Variants in CACNB2 observed in about 807,000 individuals in gnomAD.
CACNB2 encodes voltage-dependent L-type calcium channel subunit beta-2.
Under a neutral mutation model 73.3 loss-of-function variants are expected in CACNB2, and 42 were observed. The ratio of observed to expected loss-of-function variants is 0.57; its 90% confidence interval spans 0.45 to 0.74. The LOEUF (loss-of-function observed/expected upper bound fraction) is 0.74, where lower values mean the gene tolerates loss of function less well. Among genes scored for constraint, CACNB2 ranks in the 30% least tolerant of loss-of-function variants. The pLI, the probability that CACNB2 is intolerant of heterozygous loss-of-function variation, is 0.00. For synonymous variants in CACNB2, 348 were observed against 310.3 expected (o/e 1.12, Z -1.28); for missense variants, 940 against 853.0 (o/e 1.10, Z -1.27).
intron 3 of CACNB2, among the ~76,000 whole-genome samples, chr10:18,424,547 CG>C (rs994878173): frequency 2.0e-5 from 3 of 152,080 alleles, no homozygotes; most frequent in African/African-American, 7.2e-5. Context: ...TCAGTCTGGT[CG>C]GGTGTCCGAG....
At chr10:18,455,779 TAAG>T (rs1055621293) in intron 3 of CACNB2, among the ~76,000 whole-genome samples, 10 of 152,210 alleles carry the variant, frequency 6.6e-5, no homozygotes, top group African/African-American at 2.4e-4. Flanking sequence ...AGTATGATAA[TAAG>T]AAGGTCATAA....
At chr10:18,324,724 C>T (rs1315496820) in intron 2 of CACNB2, among the ~76,000 whole-genome samples, 1 of 152,134 alleles carries the variant, frequency 6.6e-6, no homozygotes, top group Non-Finnish European at 1.5e-5. Flanking sequence ...GGTGTGGTGG[C>T]ATGCGTCTGT....
intron 9 of CACNB2, among the ~76,000 whole-genome samples, chr10:18,526,427 A>G (rs533193642): frequency 4.7e-4 from 71 of 152,314 alleles, no homozygotes; most frequent in African/African-American, 1.7e-3. Context: ...ACCACACAGG[A>G]AAAGAACTGT....
chr10:18,519,898 T>C (rs533049775), intron 9 of CACNB2: 41 of 363,724 alleles, frequency 1.1e-4, no homozygotes, highest in African/African-American at 5.8e-4. Flanking sequence ...TGAGCAGTAG[T>C]TGACATGGTG....
chr10:18,301,738 T>G (rs1402678378), intron 2 of CACNB2, among the ~76,000 whole-genome samples: 1 of 151,842 alleles, frequency 6.6e-6, no homozygotes, highest in Non-Finnish European at 1.5e-5. Context: ...AACCTCCGCC[T>G]TCTGGGTTCC....
intron 2 of CACNB2, among the ~76,000 whole-genome samples, chr10:18,301,883 G>T (rs1456684996): frequency 6.6e-6 from 1 of 151,828 alleles, no homozygotes; most frequent in Non-Finnish European, 1.5e-5. Flanking sequence ...TCCTGACCTC[G>T]TGATCCTCCC....
intron 2 of CACNB2, among the ~76,000 whole-genome samples, chr10:18,239,003 G>A (rs1409352563): frequency 6.6e-6 from 1 of 152,096 alleles, no homozygotes; most frequent in African/African-American, 2.4e-5. Context: ...GATGGCAGCT[G>A]GAACCCAAAT....
At chr10:18,357,566 C>T (rs2041973084) in intron 2 of CACNB2, among the ~76,000 whole-genome samples, 1 of 152,176 alleles carries the variant, frequency 6.6e-6, no homozygotes, top group Admixed American at 6.5e-5. Context: ...AAACAAAGTA[C>T]AATCTTTCAT....
intron 2 of CACNB2, among the ~76,000 whole-genome samples, chr10:18,192,012 G>A (rs764808560): frequency 2.0e-5 from 3 of 151,500 alleles, no homozygotes; most frequent in African/African-American, 7.3e-5. Context: ...GGACTAAAGT[G>A]TGCCCTCATA....
intron 2 of CACNB2, among the ~76,000 whole-genome samples, chr10:18,158,363 C>G (rs757544194): frequency 6.6e-6 from 1 of 152,052 alleles, no homozygotes; most frequent in Non-Finnish European, 1.5e-5. Flanking sequence ...AACCTCTAGG[C>G]ACTGTTATTA....
At chr10:18,395,594 GGAGTT>G (rs1394308215) in intron 2 of CACNB2, among the ~76,000 whole-genome samples, 1 of 152,058 alleles carries the variant, frequency 6.6e-6, no homozygotes, top group Non-Finnish European at 1.5e-5. Flanking sequence ...TGTAGTTTGG[GGAGTT>G]GTTAAATAAA....
Position 18,220,220 on chromosome 10 carries a change from TATATATATATATAG to T in CACNB2, c.213+69247_213+69260del, listed in dbSNP as rs1259407613. ...GTGTGTGTATATATATATATATATA[TATATATATATATAG>T]AGAGAGAGAGAGAGAGAGAGAGAGA... On this transcript the variant is annotated intron_variant, in intron 2 of 13. Transcript: ENST00000324631. Among the ~76,000 whole-genome samples the T allele has an allele frequency of 2.6e-4, 12 of 46,662 alleles. 1 individual carries two copies. Among genetic ancestry groups the T allele is most frequent in the African/African-American group, 2.3e-3 (12 of 5,258 alleles). The allele number at this position is 46,662 out of a possible 152,430, so 30.6% of individuals were successfully genotyped here.
intron 2 of CACNB2, among the ~76,000 whole-genome samples, chr10:18,218,889 C>T (rs1308366507): frequency 6.6e-6 from 1 of 152,118 alleles, no homozygotes; most frequent in Admixed American, 6.6e-5. Context: ...TCTGGCCAAG[C>T]ACAGTGGCTC....
chr10:18,321,668 T>C (rs1422411335), intron 2 of CACNB2, among the ~76,000 whole-genome samples: 3 of 152,196 alleles, frequency 2.0e-5, no homozygotes, highest in Non-Finnish European at 4.4e-5. Flanking sequence ...ACACATACTG[T>C]GTACTCACAA....
chr10:18,450,622 T>C (rs956905841), intron 3 of CACNB2, among the ~76,000 whole-genome samples: 4 of 148,504 alleles, frequency 2.7e-5, no homozygotes, highest in African/African-American at 7.6e-5. Context: ...AGCTGCTTTT[T>C]TTTCTTTTTT....
chr10:18,291,134 A>T (rs1161171409), intron 2 of CACNB2, among the ~76,000 whole-genome samples: 1 of 152,222 alleles, frequency 6.6e-6, no homozygotes, highest in Non-Finnish European at 1.5e-5. Context: ...CGCAGAAGGT[A>T]CTTACAGGTA....
intron 3 of CACNB2, among the ~76,000 whole-genome samples, chr10:18,431,921 T>C (rs2045908893): frequency 6.6e-6 from 1 of 152,148 alleles, no homozygotes; most frequent in African/African-American, 2.4e-5. Context: ...TGTGCCGCTA[T>C]ACCCAGATAA....
intron 2 of CACNB2, among the ~76,000 whole-genome samples, chr10:18,246,772 TTTTG>T (rs1023098720): frequency 3.6e-4 from 55 of 152,092 alleles, no homozygotes; most frequent in Middle Eastern, 3.4e-3. Flanking sequence ...TAGTTTTGTT[TTTTG>T]TTTGTTTGTT....
chr10:18,161,178 G>T (rs1051499093), intron 2 of CACNB2, among the ~76,000 whole-genome samples: 2 of 152,156 alleles, frequency 1.3e-5, no homozygotes, highest in Admixed American at 6.6e-5. Context: ...TGTAGTAAAA[G>T]TTCTTCAGGA....
Sources: gnomAD v4.1 joint callset for allele counts (sites outside exome capture counted in the v4.1 genomes callset) on GRCh38, gnomAD v4.1.1 for gene constraint, MANE v1.5 for transcripts, NCBI Gene and HGNC (gene_info 2026-07-23, HGNC 2026-07-21) for gene names.